VPS36: variants seen among roughly 807,000 people sequenced by gnomAD.
VPS36 encodes the protein vacuolar protein-sorting-associated protein 36.
VPS36 carries 31 observed loss-of-function variants against 63.5 expected under a neutral mutation model. That is an observed-to-expected ratio of 0.49 (90% confidence interval 0.37 to 0.66). The LOEUF (loss-of-function observed/expected upper bound fraction) is 0.66, where lower values mean the gene tolerates loss of function less well. Among genes scored for constraint, VPS36 ranks in the 30% least tolerant of loss-of-function variants. The probability of loss-of-function intolerance (pLI) is 0.00; values close to 1 mark genes in which losing one functional copy is unlikely to be tolerated. For synonymous variants in VPS36, 138 were observed against 157.2 expected (o/e 0.88, Z 0.91); for missense variants, 338 against 463.7 (o/e 0.73, Z 2.49).
chr13:52,444,294 T>G (rs1242638126), intron 1 of VPS36, among the ~76,000 whole-genome samples: 1 of 151,556 alleles, frequency 6.6e-6, no homozygotes, highest in Non-Finnish European at 1.5e-5. Flanking sequence ...CGTCTCTACT[T>G]TAAAAAATAC....
intron 1 of VPS36, among the ~76,000 whole-genome samples, chr13:52,446,127 G>A (rs1280248091): frequency 1.3e-5 from 2 of 150,912 alleles, no homozygotes; most frequent in Non-Finnish European, 3.0e-5. Flanking sequence ...ATTGCCGGGC[G>A]TGGTGGCGGG....
chr13:52,437,150 T>C (rs1958227504), intron 3 of VPS36, among the ~76,000 whole-genome samples: 1 of 152,194 alleles, frequency 6.6e-6, no homozygotes, highest in Non-Finnish European at 1.5e-5. Context: ...TTTAGTGCTT[T>C]TTCTTTATTG....
intron 5 of VPS36, 30 bp from the exon 6 acceptor site, chr13:52,433,778 CA>C: frequency 6.4e-7 from 1 of 1,566,558 alleles, no homozygotes; most frequent in Non-Finnish European, 8.6e-7. Context: ...GAAAATAAAA[CA>C]TACAAAATAG....
In VPS36 at chr13:52,439,115, C is replaced by A; in HGVS notation, c.219G>T (p.Ala73=). 1 of 1,613,746 alleles carries A rather than the reference C, an allele frequency of 6.2e-7. No homozygotes were observed. The highest frequency in any genetic ancestry group is 8.5e-7 in the Non-Finnish European group (1 of 1,179,888). The part of the protein sequence containing the change: ...LSQIVFIEEQ[A]AGIGKSAKIV... The stretch of plus-strand genomic sequence containing the variant: ...AGACTTACCTCTTCCCAATTCCAGC[C>A]GCCTGTTCTTCAATGAACACAATTT... The change falls in exon 3 of 14, where the codon GCG becomes GCT. Residue 73 remains alanine, a synonymous_variant. Transcript: ENST00000378060.
intron 3 of VPS36, 39 bp from the exon 4 acceptor site, chr13:52,436,443 C>CA (rs755919016): frequency 3.7e-6 from 5 of 1,346,982 alleles, no homozygotes; most frequent in South Asian, 1.3e-5. Flanking sequence ...AATTGTCTTT[C>CA]AAAAAAATAT....
chr13:52,419,578 A>AC (rs1958025318), intron 10 of VPS36, among the ~76,000 whole-genome samples: 2 of 152,234 alleles, frequency 1.3e-5, no homozygotes, highest in Non-Finnish European at 2.9e-5. Flanking sequence ...TATGAAAAAC[A>AC]GTATGGCGAT....
In VPS36 at chr13:52,425,536, A is replaced by G. The variant is rs574395980; in HGVS notation, c.774+396T>C. On this transcript the variant is annotated intron_variant, in intron 9 of 13. Transcript: ENST00000378060. ...TAGGTTTGAAATCTTTTTTAATACA[A>G]GTGCTTTAATAAACTCTTGACTGCC... 2.6e-5 allele frequency among the ~76,000 whole-genome samples: 4 copies of G among 152,296 alleles called. No homozygotes were observed. The South Asian group carries it at 8.3e-4, about 32-fold the overall frequency.
intron 1 of VPS36, among the ~76,000 whole-genome samples, chr13:52,448,165 T>C (rs61959673): frequency 0.047 from 7,161 of 152,248 alleles, 175 homozygotes; most frequent in South Asian, 0.084. Flanking sequence ...GCCATGCACA[T>C]GCTTGCCCAG....
intron 6 of VPS36, among the ~76,000 whole-genome samples, chr13:52,432,649 G>C (rs115586751): frequency 3.9e-5 from 6 of 152,250 alleles, no homozygotes; most frequent in African/African-American, 1.4e-4. Context: ...TGCCTCTGAC[G>C]AAAGAACACA....
intron 9 of VPS36, among the ~76,000 whole-genome samples, chr13:52,425,300 A>T (rs368677067): frequency 6.6e-6 from 1 of 152,092 alleles, no homozygotes; most frequent in East Asian, 1.9e-4. Flanking sequence ...ATTAGATAAC[A>T]TTAAGAAAGT....
At chr13:52,450,323 C>G (rs1465863462) in intron 1 of VPS36, 176 bp downstream of exon 1, 1 of 1,177,960 alleles carries the variant, frequency 8.5e-7, no homozygotes, top group East Asian at 4.0e-5. Flanking sequence ...CCACGTGCTA[C>G]CGACCGGCGG....
chr13:52,445,441 C>A (rs1958327727), intron 1 of VPS36, among the ~76,000 whole-genome samples: 1 of 150,586 alleles, frequency 6.6e-6, no homozygotes, highest in Admixed American at 6.6e-5. Context: ...AGATCGAGAC[C>A]ATCCTGACTA....
intron 6 of VPS36, among the ~76,000 whole-genome samples, chr13:52,429,728 C>G (rs1292140706): frequency 2.6e-5 from 4 of 152,092 alleles, no homozygotes; most frequent in Admixed American, 2.0e-4. Flanking sequence ...TAGACTGAAA[C>G]AAAATAACTT....
At chr13:52,439,222 T>C (rs1958249236) in intron 2 of VPS36, 54 bp from the exon 3 acceptor site, 7 of 1,507,940 alleles carry the variant, frequency 4.6e-6, no homozygotes, top group Admixed American at 1.7e-5. Flanking sequence ...TCCATAACAC[T>C]TGTCAGAAAT....
rs748782329 is a variant in VPS36 at position 52,416,123 on chromosome 13, G to GT, written c.991-31dup. 10 of 1,605,486 alleles carry GT rather than the reference G, an allele frequency of 6.2e-6. No individual in the cohort carries two copies. In the East Asian group the frequency reaches 2.0e-4, roughly 32 times the overall value. On this transcript the variant is annotated intron_variant, in intron 12 of 13. Transcript: ENST00000378060. ...TAGAAACACACAGCAGAAAAAAAAT[G>GT]TAATTAATTTAGGACACTAATTTAA...
rs926503884 is a variant in VPS36 at position 52,436,025 on chromosome 13, A to G, written c.351+265T>C. 2.2e-5 allele frequency: 7 copies of G among 324,590 alleles called. No individual in the cohort carries two copies. The Admixed American group carries it at 3.1e-4, about 14-fold the overall frequency. 20.1% of individuals were successfully genotyped at this position (324,590 alleles called of 1,614,324 possible). On this transcript the variant is annotated intron_variant, in intron 4 of 13. Coordinates refer to ENST00000378060, the MANE Select transcript of VPS36 (RefSeq NM_016075.4). Reference sequence around the variant, plus strand: ...AAAACTCTGCTAGCAGGCGAATGGCATGACTTAGTGTATTTTCCAGCCTCT... The same window carrying G: ...AAAACTCTGCTAGCAGGCGAATGGCGTGACTTAGTGTATTTTCCAGCCTCT...
At position 52,427,665 on chromosome 13, in the gene VPS36, T is replaced by C. The variant is rs116207184; in HGVS notation, c.529-446A>G. 8.9e-3 allele frequency among the ~76,000 whole-genome samples: 1,350 copies of C among 152,220 alleles called. 18 individuals are homozygous for C. Among genetic ancestry groups the C allele is most frequent in the African/African-American group, 0.031 (1,290 of 41,552 alleles). ...ATATCAATTTGTTAATAACTATTTATATAAATAATAAATCTACCTTATTCT... is the reference window on the plus strand; with the variant it reads ...ATATCAATTTGTTAATAACTATTTACATAAATAATAAATCTACCTTATTCT... On this transcript the variant is annotated intron_variant, in intron 6 of 13. Coordinates refer to ENST00000378060, the MANE Select transcript of VPS36 (RefSeq NM_016075.4).
intron 10 of VPS36, among the ~76,000 whole-genome samples, chr13:52,421,263 A>G (rs1958042780): frequency 6.6e-6 from 1 of 152,198 alleles, no homozygotes; most frequent in Non-Finnish European, 1.5e-5. Context: ...GAAATAAGCC[A>G]GACATAGCAA....
intron 2 of VPS36, among the ~76,000 whole-genome samples, chr13:52,439,964 C>T (rs1163393983): frequency 1.3e-5 from 2 of 151,682 alleles, no homozygotes; most frequent in African/African-American, 4.8e-5. Flanking sequence ...ATGTAGTATC[C>T]CTTTATTCAT....
Sources: gnomAD v4.1 joint callset for allele counts (sites outside exome capture counted in the v4.1 genomes callset) on GRCh38, gnomAD v4.1.1 for gene constraint, MANE v1.5 for transcripts, NCBI Gene and HGNC (gene_info 2026-07-23, HGNC 2026-07-21) for gene names.